Variants in DAB1 observed in about 807,000 individuals in gnomAD.
The protein encoded by DAB1 is disabled homolog 1.
In DAB1, 15 loss-of-function variants were observed where a neutral mutation model predicts 64.6. The observed-to-expected ratio is 0.23, with a 90% CI of 0.16 to 0.36. The LOEUF (loss-of-function observed/expected upper bound fraction) is 0.36, where lower values mean the gene tolerates loss of function less well. Ranked by LOEUF, DAB1 falls within the 10% of genes least tolerant of loss-of-function variation. The pLI is 1.00. For missense variants in DAB1, 596 were observed against 706.7 expected (o/e 0.84, Z 1.78); for synonymous variants, 235 against 251.9 (o/e 0.93, Z 0.64).
At chr1:57,426,616 G>T (rs1398818438), upstream of DAB1, among the ~76,000 whole-genome samples, 1 of 151,964 alleles carries the variant, frequency 6.6e-6, no homozygotes, top group Non-Finnish European at 1.5e-5. Context: ...CAGCAAAGAT[G>T]TATATATTGT....
At chr1:57,031,418 A>T (rs188378423) in intron 9 of DAB1, among the ~76,000 whole-genome samples, 1 of 152,354 alleles carries the variant, frequency 6.6e-6, no homozygotes, top group Admixed American at 6.5e-5. Context: ...AATAAAACTA[A>T]CAATTCACAT....
intron 1 of DAB1, among the ~76,000 whole-genome samples, chr1:57,335,851 T>C (rs1243793746): frequency 2.0e-5 from 3 of 152,222 alleles, no homozygotes; most frequent in African/African-American, 7.2e-5. Context: ...ACTGCAAATA[T>C]TCCCTGGTTA....
At chr1:58,427,650 G>C (rs1644833996) in intron 3 of DAB1, among the ~76,000 whole-genome samples, 1 of 152,166 alleles carries the variant, frequency 6.6e-6, no homozygotes, top group East Asian at 1.9e-4. Context: ...TCTGGTCCAA[G>C]CAACTGGAAA....
intron 5 of DAB1, among the ~76,000 whole-genome samples, chr1:57,964,154 C>A (rs543793516): frequency 6.6e-6 from 1 of 152,232 alleles, no homozygotes; most frequent in Admixed American, 6.5e-5. Flanking sequence ...TGGCTCTGAT[C>A]CCCCTAGAGA....
At chr1:57,488,204 C>T (rs578206673) in intron 7 of DAB1, among the ~76,000 whole-genome samples, 2 of 151,998 alleles carry the variant, frequency 1.3e-5, no homozygotes, top group African/African-American at 4.8e-5. Context: ...GAGATAGAGA[C>T]CACCCTGGCT....
At chr1:57,627,157 C>T (rs76305470) in intron 7 of DAB1, among the ~76,000 whole-genome samples, 1,610 of 152,238 alleles carry the variant, frequency 0.011, 29 homozygotes, top group African/African-American at 0.031. Flanking sequence ...CTGCTTGAGC[C>T]GGGACAGCCA....
intron 6 of DAB1, among the ~76,000 whole-genome samples, chr1:57,680,113 G>A (rs1228015557): frequency 6.6e-6 from 1 of 152,128 alleles, no homozygotes; most frequent in African/African-American, 2.4e-5. Context: ...TTCATTTTCT[G>A]AAAATTCAAT....
chr1:58,212,644 TG>T (rs1658616797), intron 4 of DAB1, among the ~76,000 whole-genome samples: 1 of 152,188 alleles, frequency 6.6e-6, no homozygotes, highest in African/African-American at 2.4e-5. Context: ...TAAATGCAGC[TG>T]GTGGGGGAAA....
At chr1:57,587,308 G>C (rs1025326049) in intron 7 of DAB1, among the ~76,000 whole-genome samples, 2 of 152,132 alleles carry the variant, frequency 1.3e-5, no homozygotes, top group African/African-American at 2.4e-5. Context: ...GTCTCTAAGG[G>C]ATAATAATAT....
At chr1:57,422,638 C>A (rs1457958397) in intron 1 of DAB1, among the ~76,000 whole-genome samples, 1 of 152,206 alleles carries the variant, frequency 6.6e-6, no homozygotes, top group South Asian at 2.1e-4. Context: ...CTCCCCACCC[C>A]CACGCCATTC....
intron 7 of DAB1, among the ~76,000 whole-genome samples, chr1:57,454,042 C>A (rs1369150191): frequency 6.6e-6 from 1 of 152,152 alleles, no homozygotes; most frequent in Admixed American, 6.6e-5. Flanking sequence ...AGAACATCCA[C>A]AAACCAGGTG....
At chr1:57,584,979 C>T (rs528020939) in intron 7 of DAB1, among the ~76,000 whole-genome samples, 90 of 152,236 alleles carry the variant, frequency 5.9e-4, no homozygotes, top group African/African-American at 2.0e-3. Flanking sequence ...CGGCCAGGCG[C>T]GGTGGCTTAC....
At chr1:57,223,619 G>A (rs1667047095) in intron 2 of DAB1, among the ~76,000 whole-genome samples, 1 of 152,192 alleles carries the variant, frequency 6.6e-6, no homozygotes, top group Non-Finnish European at 1.5e-5. Flanking sequence ...TGATCCCTGG[G>A]CAGGCACTAG....
chr1:57,159,856 CAAAAA>C (rs398049302), intron 2 of DAB1, among the ~76,000 whole-genome samples: 4,743 of 86,432 alleles, frequency 0.055, 196 homozygotes, highest in African/African-American at 0.19. Flanking sequence ...AGCAGCAAGA[CAAAAA>C]AAAAAAAAAA....
At chr1:57,934,059 C>A (rs893053923) in intron 5 of DAB1, among the ~76,000 whole-genome samples, 1 of 75,058 alleles carries the variant, frequency 1.3e-5, no homozygotes, top group African/African-American at 5.0e-5. Flanking sequence ...CCAAGCCCAG[C>A]TAATTGTGTG....
intron 6 of DAB1, among the ~76,000 whole-genome samples, chr1:57,678,084 C>T (rs1297939509): frequency 6.6e-6 from 1 of 152,114 alleles, no homozygotes; most frequent in Non-Finnish European, 1.5e-5. Flanking sequence ...TTCTGATGTG[C>T]AGACAAGGTT....
At chr1:57,631,951 A>T (rs898395240) in intron 7 of DAB1, among the ~76,000 whole-genome samples, 1 of 152,208 alleles carries the variant, frequency 6.6e-6, no homozygotes, top group Non-Finnish European at 1.5e-5. Flanking sequence ...TATTAGCATC[A>T]GGAGACATAT....
chr1:57,533,785 C>T (rs1293339719), intron 7 of DAB1, among the ~76,000 whole-genome samples: 7 of 151,670 alleles, frequency 4.6e-5, no homozygotes, highest in Non-Finnish European at 1.0e-4. Context: ...ATTTTATATA[C>T]GGAGCAGGGA....
intron 4 of DAB1, among the ~76,000 whole-genome samples, chr1:58,192,452 T>C (rs1413353138): frequency 6.6e-6 from 1 of 152,188 alleles, no homozygotes; most frequent in African/African-American, 2.4e-5. Flanking sequence ...TCAATGTCTA[T>C]TATTCTACTC....
Sources: gnomAD v4.1 joint callset for allele counts (sites outside exome capture counted in the v4.1 genomes callset) on GRCh38, gnomAD v4.1.1 for gene constraint, MANE v1.5 for transcripts, NCBI Gene and HGNC (gene_info 2026-07-23, HGNC 2026-07-21) for gene names.